The following SMOC1 variants were observed in gnomAD, a reference collection of about 807,000 sequenced individuals.
SMOC1 encodes SPARC-related modular calcium-binding protein 1.
Under a neutral mutation model 56.3 loss-of-function variants are expected in SMOC1, and 22 were observed. The ratio of observed to expected loss-of-function variants is 0.39; its 90% CI spans 0.28 to 0.56. SMOC1 has a LOEUF of 0.56. Ranked by LOEUF, SMOC1 falls within the 20% of genes least tolerant of loss-of-function variation. The pLI is 0.61. For synonymous variants in SMOC1, 193 were observed against 215.0 expected (o/e 0.90, Z 0.89); for missense variants, 509 against 565.4 (o/e 0.90, Z 1.01).
At chr14:70,013,663 C>A (rs769932020) in intron 10 of SMOC1, among the ~76,000 whole-genome samples, 172 bp downstream of exon 10, 1 of 152,178 alleles carries the variant, frequency 6.6e-6, no homozygotes, top group African/African-American at 2.4e-5. Context: ...TGTCAAAAAT[C>A]TTCCTGCCCC....
intron 3 of SMOC1, among the ~76,000 whole-genome samples, chr14:69,971,270 G>A (rs779333484): frequency 2.6e-5 from 4 of 152,210 alleles, no homozygotes; most frequent in Admixed American, 6.5e-5. Flanking sequence ...TGCCTGCCTC[G>A]GCCTCCCAAA....
intron 1 of SMOC1, among the ~76,000 whole-genome samples, chr14:69,900,328 A>G (rs1483168823): frequency 6.6e-6 from 1 of 152,200 alleles, no homozygotes; most frequent in Non-Finnish European, 1.5e-5. Flanking sequence ...GCACAGCGCT[A>G]GTGTTTTCTG....
chr14:69,903,300 C>T (rs1034663987), intron 1 of SMOC1, among the ~76,000 whole-genome samples: 1 of 151,850 alleles, frequency 6.6e-6, no homozygotes, highest in African/African-American at 2.4e-5. Context: ...AGCGTCTCTG[C>T]CCGGCTGCCC....
At position 69,979,052 on chromosome 14, in the gene SMOC1, C is replaced by T. The variant is rs536349794; in HGVS notation, c.526+1087C>T. 2.0e-5 allele frequency among the ~76,000 whole-genome samples: 3 copies of T among 152,096 alleles called. No homozygotes were observed. In the East Asian group the frequency reaches 5.8e-4, roughly 29 times the overall value. On this transcript the variant is annotated intron_variant, in intron 5 of 11. Transcript: ENST00000361956. ...ATCTCAGGCTGAGTTTGGGGCTTCC[C>T]ACCTGCATCTAGGCCTTGGAAACTA... is the stretch of plus-strand genomic sequence containing the variant.
At chr14:69,968,851 A>G (rs1386349643) in intron 3 of SMOC1, among the ~76,000 whole-genome samples, 1 of 152,192 alleles carries the variant, frequency 6.6e-6, no homozygotes, top group Non-Finnish European at 1.5e-5. Context: ...GTCCCATTGC[A>G]TATGGTTCAT....
At chr14:69,900,489 T>C (rs980264097) in intron 1 of SMOC1, among the ~76,000 whole-genome samples, 3 of 152,240 alleles carry the variant, frequency 2.0e-5, no homozygotes, top group Admixed American at 6.5e-5. Flanking sequence ...ATAACACTTA[T>C]CTGGCTCTTC....
chr14:70,000,964 C>G (rs1884945873), intron 7 of SMOC1, among the ~76,000 whole-genome samples: 1 of 152,146 alleles, frequency 6.6e-6, no homozygotes, highest in South Asian at 2.1e-4. Flanking sequence ...GATGGGATCT[C>G]CGAGACATAG....
intron 10 of SMOC1, among the ~76,000 whole-genome samples, chr14:70,017,306 A>G (rs1885552737): frequency 1.3e-5 from 2 of 152,170 alleles, no homozygotes; most frequent in Non-Finnish European, 2.9e-5. Context: ...CGCCATGCAG[A>G]CAGACCCTGG....
chr14:69,999,718 C>G (rs1884899995), intron 7 of SMOC1, among the ~76,000 whole-genome samples: 1 of 152,178 alleles, frequency 6.6e-6, no homozygotes, highest in South Asian at 2.1e-4. Flanking sequence ...AGGCCTTTTT[C>G]TTTCTTAAAA....
Position 69,879,586 on chromosome 14 carries a change from G to A in SMOC1, c.-93G>A. 1 of 1,013,952 alleles carries A rather than the reference G, an allele frequency of 9.9e-7. No individual in the cohort carries two copies. The highest frequency in any genetic ancestry group is 2.5e-5 in the South Asian group (1 of 40,322). 62.8% of individuals were successfully genotyped at this position (1,013,952 alleles called of 1,614,324 possible). The stretch of plus-strand genomic sequence containing the variant: ...ACGGCCCGCTCCCCGCCGCCGCGAG[G>A]GCCCCGAGCGAAGGAAGGAAGGGAG... On this transcript the variant is annotated 5_prime_UTR_variant, in exon 1 of 12. Coordinates refer to ENST00000361956, the MANE Select transcript of SMOC1 (RefSeq NM_001034852.3).
At chr14:69,912,017 T>C (rs35383279) in intron 1 of SMOC1, among the ~76,000 whole-genome samples, 2 of 152,204 alleles carry the variant, frequency 1.3e-5, no homozygotes, top group Admixed American at 6.5e-5. Flanking sequence ...CAGCACTTGG[T>C]ATTGTTGATA....
intron 1 of SMOC1, among the ~76,000 whole-genome samples, chr14:69,931,222 C>T (rs1424817598): frequency 5.3e-5 from 8 of 152,328 alleles, no homozygotes; most frequent in South Asian, 2.1e-4. Flanking sequence ...CACGCATGGC[C>T]GTTTTATTCA....
At position 70,010,845 on chromosome 14, in the gene SMOC1, C is replaced by A; in HGVS notation, c.756C>A (p.Ala252=). 6.2e-7 allele frequency: 1 copy of A among 1,614,182 alleles called. No individual in the cohort carries two copies. Among genetic ancestry groups the A allele is most frequent in the Non-Finnish European group, 8.5e-7 (1 of 1,180,032 alleles). Reference sequence around the variant, plus strand: ...AGGGTATTGTCATCCCTGAATGTGCCCCTGGGGGACTCTATAAGCCAGTGC... The same window carrying A: ...AGGGTATTGTCATCCCTGAATGTGCACCTGGGGGACTCTATAAGCCAGTGC... ...PREGIVIPEC[A]PGGLYKPVQC... is the part of the protein sequence containing the mutation. Residue 252 remains alanine, a synonymous_variant, in exon 8 of 12, where the codon GCC becomes GCA. Transcript: ENST00000361956.
At chr14:69,897,783 A>G (rs1002309918) in intron 1 of SMOC1, among the ~76,000 whole-genome samples, 2 of 152,178 alleles carry the variant, frequency 1.3e-5, no homozygotes, top group African/African-American at 4.8e-5. Flanking sequence ...CATTGTTGCT[A>G]ATATTATTAT....
intron 5 of SMOC1, among the ~76,000 whole-genome samples, chr14:69,988,042 A>G (rs1441203128): frequency 6.6e-6 from 1 of 152,146 alleles, no homozygotes; most frequent in Admixed American, 6.5e-5. Flanking sequence ...ACTTACTTGC[A>G]TTGTTATTCA....
chr14:69,900,701 T>G (rs541391819), intron 1 of SMOC1, among the ~76,000 whole-genome samples: 1 of 152,302 alleles, frequency 6.6e-6, no homozygotes, highest in African/African-American at 2.4e-5. Flanking sequence ...AAAACAAACA[T>G]GTTCTTGCCT....
chr14:69,969,308 G>T (rs1042691509), intron 3 of SMOC1, among the ~76,000 whole-genome samples: 4 of 152,144 alleles, frequency 2.6e-5, no homozygotes, highest in Non-Finnish European at 5.9e-5. Flanking sequence ...AAGAAAAGGG[G>T]TTTAATTGGC....
intron 1 of SMOC1, among the ~76,000 whole-genome samples, chr14:69,920,904 T>C (rs1002558580): frequency 6.6e-6 from 1 of 152,106 alleles, no homozygotes. Flanking sequence ...GGTGAAATTC[T>C]TCTCATTGTT....
chr14:69,920,030 T>G (rs1193379068), intron 1 of SMOC1, among the ~76,000 whole-genome samples: 2 of 151,400 alleles, frequency 1.3e-5, no homozygotes, highest in Non-Finnish European at 2.9e-5. Context: ...GCATGCTCTC[T>G]CTCCTTGGCA....
Sources: gnomAD v4.1 joint callset for allele counts (sites outside exome capture counted in the v4.1 genomes callset) on GRCh38, gnomAD v4.1.1 for gene constraint, MANE v1.5 for transcripts, NCBI Gene and HGNC (gene_info 2026-07-23, HGNC 2026-07-21) for gene names.